PPIP5K2: variants seen among roughly 807,000 people sequenced by gnomAD.
PPIP5K2 encodes diphosphoinositol pentakisphosphate kinase 2, also known as inositol hexakisphosphate and diphosphoinositol-pentakisphosphate kinase 2.
Under a neutral mutation model 154.6 loss-of-function variants are expected in PPIP5K2, and 105 were observed. The observed-to-expected ratio is 0.68, with a 90% CI of 0.58 to 0.80. The LOEUF is 0.80. PPIP5K2 is among the 30% of genes least tolerant of loss of function. The pLI is 0.00. For synonymous variants in PPIP5K2, 480 were observed against 490.3 expected (o/e 0.98, Z 0.28); for missense variants, 992 against 1,504.6 (o/e 0.66, Z 5.64).
chr5:103,175,073 T>C (rs1322765779), intron 21 of PPIP5K2, among the ~76,000 whole-genome samples: 1 of 152,134 alleles, frequency 6.6e-6, no homozygotes, highest in Non-Finnish European at 1.5e-5. Flanking sequence ...TCTGTGCGTA[T>C]ATTGGTATAC....
chr5:103,172,644 G>A (rs1798133289), intron 19 of PPIP5K2, among the ~76,000 whole-genome samples: 1 of 151,562 alleles, frequency 6.6e-6, no homozygotes, highest in South Asian at 2.1e-4. Context: ...TAATGATTAT[G>A]TCATTAAATT....
intron 16 of PPIP5K2, 120 bp from the exon 17 acceptor site, chr5:103,159,026 T>C (rs1425982839): frequency 4.4e-6 from 3 of 677,814 alleles, no homozygotes; most frequent in Non-Finnish European, 6.9e-6. Flanking sequence ...TGAACTGTAG[T>C]ATTAATAAAG....
chr5:103,124,556 A>G (rs563111690), intron 1 of PPIP5K2, among the ~76,000 whole-genome samples: 3 of 152,330 alleles, frequency 2.0e-5, no homozygotes, highest in East Asian at 3.9e-4. Context: ...TAATGACAAA[A>G]TGGACACATA....
At chr5:103,195,238 T>C (rs914386826) in intron 30 of PPIP5K2, among the ~76,000 whole-genome samples, 2 of 152,188 alleles carry the variant, frequency 1.3e-5, no homozygotes. Flanking sequence ...GTTAACAAAA[T>C]ATATTTCACA....
At chr5:103,126,487 A>G (rs1562358227) in intron 1 of PPIP5K2, among the ~76,000 whole-genome samples, 1 of 152,230 alleles carries the variant, frequency 6.6e-6, no homozygotes, top group East Asian at 1.9e-4. Context: ...TGAAAAGACT[A>G]TGTATTAGTC....
At chr5:103,140,793 C>T (rs1481543235) in intron 5 of PPIP5K2, among the ~76,000 whole-genome samples, 1 of 147,388 alleles carries the variant, frequency 6.8e-6, no homozygotes, top group African/African-American at 2.5e-5. Context: ...GCGGAGATCG[C>T]GCCACAGCAC....
intron 13 of PPIP5K2, 58 bp downstream of exon 13, chr5:103,155,001 G>T: frequency 9.9e-7 from 1 of 1,005,402 alleles, no homozygotes; most frequent in Non-Finnish European, 1.4e-6. Flanking sequence ...TCTTTTTTAT[G>T]TATGTGATTT....
At position 103,148,011 on chromosome 5, in the gene PPIP5K2, C is replaced by T; in HGVS notation, c.723C>T (p.Pro241=). 1 of 1,590,176 alleles carries T rather than the reference C, an allele frequency of 6.3e-7. No individual in the cohort carries two copies. Among genetic ancestry groups the T allele is most frequent in the Non-Finnish European group, 8.6e-7 (1 of 1,163,506 alleles). Residue 241 remains proline (P), a synonymous_variant, in exon 7 of 31, where the codon CCC becomes CCT. Transcript: ENST00000358359. ...CATATATATATGAAGAGTTTATGCCCACAGATGGTACTGATGTTAAGGTAG... is the reference window on the plus strand; with the variant it reads ...CATATATATATGAAGAGTTTATGCCTACAGATGGTACTGATGTTAAGGTAG... The part of the protein sequence containing the change: ...TGSYIYEEFM[P]TDGTDVKVYT...
At chr5:103,146,310 T>C (rs1554209124) in intron 5 of PPIP5K2, among the ~76,000 whole-genome samples, 1 of 152,028 alleles carries the variant, frequency 6.6e-6, no homozygotes, top group African/African-American at 2.4e-5. Flanking sequence ...AAATGGTAAG[T>C]CTGTAAAATT....
At position 103,154,963 on chromosome 5, in the gene PPIP5K2, G is replaced by A. The variant is rs782124900; in HGVS notation, c.1403+20G>A. On this transcript the variant is annotated intron_variant, in intron 13 of 30. Transcript: ENST00000358359. Reference sequence around the variant, plus strand: ...AGAGATGTGAGTATCTTTTTGAAACGCTTAATTGTGGTACTACATATAGCT... The same window carrying A: ...AGAGATGTGAGTATCTTTTTGAAACACTTAATTGTGGTACTACATATAGCT... 8.9e-6 allele frequency: 13 copies of A among 1,455,066 alleles called. No individual in the cohort carries two copies. In the South Asian group the frequency reaches 9.2e-5, roughly 10 times the overall value. 90.1% of individuals were successfully genotyped at this position (1,455,066 alleles called of 1,614,324 possible). A position where few individuals can be genotyped will look rare whatever the true frequency, so the allele number is the denominator to read the frequency against.
At chr5:103,130,893 A>G (rs968283352) in intron 2 of PPIP5K2, among the ~76,000 whole-genome samples, 7 of 152,120 alleles carry the variant, frequency 4.6e-5, no homozygotes, top group African/African-American at 1.7e-4. Context: ...TGTCTCATCT[A>G]TATCTACATC....
chr5:103,144,036 C>T (rs1304232823), intron 5 of PPIP5K2, among the ~76,000 whole-genome samples: 1 of 151,832 alleles, frequency 6.6e-6, no homozygotes, highest in Non-Finnish European at 1.5e-5. Context: ...GTTAGAAAAT[C>T]CTAGAGTCTT....
At chr5:103,163,043 T>C (rs1324283610) in intron 17 of PPIP5K2, among the ~76,000 whole-genome samples, 1 of 114,436 alleles carries the variant, frequency 8.7e-6, no homozygotes, top group African/African-American at 3.5e-5. Context: ...CGTGTGCCAA[T>C]GAATAATACC....
intron 29 of PPIP5K2, among the ~76,000 whole-genome samples, chr5:103,194,390 G>T (rs1012587172): frequency 3.9e-5 from 6 of 152,148 alleles, no homozygotes; most frequent in Non-Finnish European, 8.8e-5. Context: ...CTGGGGTCAA[G>T]CGATCCTCCT....
At chr5:103,176,763 G>A in intron 21 of PPIP5K2, 1 of 582,660 alleles carries the variant, frequency 1.7e-6, no homozygotes, top group Non-Finnish European at 2.9e-6. Flanking sequence ...TTTACTTTGA[G>A]TAGTTTTGCC....
intron 30 of PPIP5K2, among the ~76,000 whole-genome samples, chr5:103,197,401 C>A (rs1484229003): frequency 6.6e-6 from 1 of 150,946 alleles, no homozygotes; most frequent in African/African-American, 2.4e-5. Flanking sequence ...CTTTTATTAT[C>A]TTTTTAATGA....
intron 17 of PPIP5K2, among the ~76,000 whole-genome samples, chr5:103,161,695 T>C (rs1181974989): frequency 1.3e-5 from 2 of 152,246 alleles, no homozygotes; most frequent in Non-Finnish European, 2.9e-5. Context: ...TTGATTTGCA[T>C]TTCTCTGATG....
At chr5:103,172,625 A>G in intron 19 of PPIP5K2, among the ~76,000 whole-genome samples, 1 of 151,574 alleles carries the variant, frequency 6.6e-6, no homozygotes, top group East Asian at 1.9e-4. Flanking sequence ...TACAAATCCA[A>G]TTAACTCATA....
chr5:103,132,345 T>C (rs1281683438), intron 2 of PPIP5K2, among the ~76,000 whole-genome samples: 1 of 151,898 alleles, frequency 6.6e-6, no homozygotes, highest in Non-Finnish European at 1.5e-5. Flanking sequence ...ATCGAGACCA[T>C]CCTGGCTAAC....
Sources: allele counts gnomAD v4.1 joint callset (sites outside exome capture counted in the v4.1 genomes callset), GRCh38; gene constraint gnomAD v4.1.1; transcripts MANE v1.5; gene names NCBI Gene and HGNC (gene_info 2026-07-23, HGNC 2026-07-21).